NRXN2: variants seen among roughly 807,000 people sequenced by gnomAD.
NRXN2 encodes neurexin-2-beta.
NRXN2 carries 29 observed loss-of-function variants against 128.8 expected under a neutral mutation model. That is an observed-to-expected ratio of 0.23 (90% CI 0.17 to 0.31). The LOEUF (loss-of-function observed/expected upper bound fraction) is 0.31, where lower values mean the gene tolerates loss of function less well. Ranked by LOEUF, NRXN2 falls within the 10% of genes least tolerant of loss-of-function variation. NRXN2 has a pLI of 1.00. For missense variants in NRXN2, 1,881 were observed against 2,452.6 expected, an observed-to-expected ratio of 0.77 and a Z score of 4.92; for synonymous variants, 1,098 against 1,075.2, an observed-to-expected ratio of 1.02 and a Z score of -0.41.
At chr11:64,671,664 G>T (rs1217794307) in intron 7 of NRXN2, among the ~76,000 whole-genome samples, 1 of 152,096 alleles carries the variant, frequency 6.6e-6, no homozygotes, top group East Asian at 1.9e-4. Context: ...AGGTAAGAAG[G>T]CGTGCGGGGC....
In NRXN2 at chr11:64,629,979, GAC is replaced by G. The variant is rs1344695555; in HGVS notation, c.3757+421_3757+422del. Among the ~76,000 whole-genome samples the G allele has an allele frequency of 3.9e-5, 6 of 152,166 alleles. No individual in the cohort carries two copies. In the South Asian group the frequency reaches 1.0e-3, roughly 26 times the overall value. Reference sequence around the variant, plus strand: ...GGTAACAGCCCTGTCTCCTTGCCAAGACACGTTTTATATTACTTCTGGATTTT... The same window carrying G: ...GGTAACAGCCCTGTCTCCTTGCCAAGACGTTTTATATTACTTCTGGATTTT... On this transcript the variant is annotated intron_variant, in intron 19 of 22. Transcript: ENST00000265459.
chr11:64,691,034 CTCT>C, intron 4 of NRXN2, among the ~76,000 whole-genome samples: 1 of 152,332 alleles, frequency 6.6e-6, no homozygotes, highest in Non-Finnish European at 1.5e-5. Flanking sequence ...GTCCTTGAGG[CTCT>C]CACTACACCT....
At chr11:64,675,417 C>A (rs2051171251) in intron 7 of NRXN2, 1 of 152,240 alleles carries the variant, frequency 6.6e-6, no homozygotes, top group Non-Finnish European at 1.5e-5. Flanking sequence ...GGGAGAGACA[C>A]TCAGATTGGG....
intron 2 of NRXN2, among the ~76,000 whole-genome samples, chr11:64,698,132 C>T (rs944178336): frequency 6.6e-6 from 1 of 152,186 alleles, no homozygotes; most frequent in African/African-American, 2.4e-5. Context: ...CCAGGAGTGG[C>T]AGTCAGGCTT....
chr11:64,643,051 G>T, intron 17 of NRXN2: 16 of 996,814 alleles, frequency 1.6e-5, no homozygotes, highest in Non-Finnish European at 1.8e-5. Flanking sequence ...GGAGCTAGGG[G>T]TCTCTCTGCA....
At position 64,712,973 on chromosome 11, in the gene NRXN2, C is replaced by G. The variant is rs1381771358; in HGVS notation, c.727G>C (p.Glu243Gln). 4.7e-6 allele frequency: 7 copies of G among 1,501,510 alleles called. No individual in the cohort carries two copies. In the African/African-American group the frequency reaches 1.0e-4, roughly 22 times the overall value. The allele number at this position is 1,501,510 out of a possible 1,614,324, so 93.0% of individuals were successfully genotyped here. Reference protein sequence around the residue: ...HTGFGGKFCSEEEHPMEGPAH... With the variant: ...HTGFGGKFCSQEEHPMEGPAH... The stretch of plus-strand genomic sequence containing the variant: ...GCGGCCGCTCCCCGGGGCTCACCTT[C>G]GCTGCAGAACTTGCCGCCGAAGCCC... Residue 243 changes from glutamate to glutamine, a missense_variant, in exon 2 of 23, where the codon GAA becomes CAA. By Grantham distance (29) the Glu-to-Gln change is conservative (BLOSUM62 2). This residue lies in a region of NRXN2 where 997 missense variants were observed against 1,240.8 expected (regional missense o/e 0.80). Coordinates refer to ENST00000265459, the MANE Select transcript of NRXN2 (RefSeq NM_015080.4).
At position 64,713,469 on chromosome 11, in the gene NRXN2, G is replaced by A. The variant is rs1474374053; in HGVS notation, c.231C>T (p.Phe77=). The A allele has an allele frequency of 1.3e-6, 2 of 1,533,212 alleles. No individual in the cohort carries two copies. Among genetic ancestry groups the A allele is most frequent in the Non-Finnish European group, 1.7e-6 (2 of 1,149,690 alleles). 95.0% of individuals were successfully genotyped at this position (1,533,212 alleles called of 1,614,324 possible). ...GGCCGTCCACCAGCAGCAGCTCCAG[G>A]AAGTCGCAGTCGCCGCCGTCGTCCA... The part of the protein sequence containing the change: ...LYLDDGGDCD[F]LELLLVDGRL... Residue 77 remains phenylalanine (F), a synonymous_variant, in exon 2 of 23, where the codon TTC becomes TTT. Coordinates refer to ENST00000265459, the MANE Select transcript of NRXN2 (RefSeq NM_015080.4).
chr11:64,673,632 T>C (rs1300062132), intron 7 of NRXN2, among the ~76,000 whole-genome samples: 3 of 152,268 alleles, frequency 2.0e-5, no homozygotes, highest in African/African-American at 4.8e-5. Context: ...ATTTAGCAGA[T>C]ACTTTCCTTT....
At chr11:64,655,813 G>A (rs941095654) in intron 11 of NRXN2, among the ~76,000 whole-genome samples, 2 of 152,188 alleles carry the variant, frequency 1.3e-5, no homozygotes, top group African/African-American at 4.8e-5. Flanking sequence ...GAAAGCCAGA[G>A]ACTGAGAGTG....
intron 3 of NRXN2, 46 bp downstream of exon 3, chr11:64,697,729 C>T: frequency 6.2e-7 from 1 of 1,611,378 alleles, no homozygotes; most frequent in Non-Finnish European, 8.5e-7. Context: ...GTAGGATCCC[C>T]ATGGCAACAG....
chr11:64,608,494 CT>C (rs58638827), intron 22 of NRXN2, among the ~76,000 whole-genome samples: 15,354 of 111,048 alleles, frequency 0.14, 656 homozygotes, highest in East Asian at 0.3. Flanking sequence ...TCTTTTTTTG[CT>C]TTTTTTTTTT....
chr11:64,684,754 A>G (rs2052778730), intron 6 of NRXN2, among the ~76,000 whole-genome samples: 2 of 152,196 alleles, frequency 1.3e-5, no homozygotes, highest in Admixed American at 6.5e-5. Flanking sequence ...AACTAGGAAG[A>G]GACTGGTCAG....
chr11:64,639,960 C>A (rs182123230), intron 17 of NRXN2, among the ~76,000 whole-genome samples: 7 of 152,228 alleles, frequency 4.6e-5, no homozygotes, highest in Admixed American at 4.6e-4. Flanking sequence ...TAATGGTTAA[C>A]GGGAGCAAAG....
In NRXN2 at chr11:64,677,000, T is replaced by C. The variant is rs766032103; in HGVS notation, c.1190A>G (p.His397Arg). ...GIGHAMVNKL[H>R]YLVTISVDGI... ...AATTAGAGTGATATCTACCAGATAA[T>C]GCAGTTTGTTTACCATAGCGTGTCC... is the stretch of plus-strand genomic sequence containing the variant. Residue 397 changes from histidine (H) to arginine (R), a missense_variant, in exon 7 of 23, where the codon CAT becomes CGT. Physicochemically the swap from His to Arg is conservative, Grantham distance 29. Coordinates refer to ENST00000265459, the MANE Select transcript of NRXN2 (RefSeq NM_015080.4). 6.2e-7 allele frequency: 1 copy of C among 1,611,942 alleles called. No homozygotes were observed. Among genetic ancestry groups the C allele is most frequent in the Non-Finnish European group, 8.5e-7 (1 of 1,179,520 alleles).
chr11:64,671,157 C>A (rs1204118818), intron 7 of NRXN2, among the ~76,000 whole-genome samples: 1 of 152,116 alleles, frequency 6.6e-6, no homozygotes. Context: ...GAAAGGGCTG[C>A]CTTAATCACC....
At chr11:64,652,191 A>G (rs1441167876) in intron 12 of NRXN2, 37 bp from the exon 13 acceptor site, 2 of 1,593,538 alleles carry the variant, frequency 1.3e-6, no homozygotes, top group Non-Finnish European at 8.5e-7. Flanking sequence ...GGGCACCTAT[A>G]CATGCTCATA....
rs1565426834 is a variant in NRXN2, at chr11:64,692,900, GAAAGAAAGAAAAAAAGAAGAAGAAA to G, written c.749-49_749-25del. ...ACCTTGGAAAGGGGAAGGAGAGAAA[GAAAGAAAGAAAAAAAGAAGAAGAAA>G]AAAGAAAGAAAAGGGGAAAGAAACA... On this transcript the variant is annotated intron_variant, in intron 3 of 22. Transcript: ENST00000265459. 1.9e-6 allele frequency: 3 copies of G among 1,580,380 alleles called. No homozygotes were observed. In the Admixed American group the frequency reaches 5.1e-5, roughly 27 times the overall value.
chr11:64,676,692 G>A (rs2051367881), intron 7 of NRXN2: 2 of 507,914 alleles, frequency 3.9e-6, no homozygotes, highest in Admixed American at 3.4e-5. Context: ...CATGGGGCCT[G>A]CCCCCAGGTC....
In NRXN2 at chr11:64,632,769, T is replaced by C. The variant is rs1423111460; in HGVS notation, c.3586-2196A>G. ...TTCTGTTAAAGTCATTAATTCCTAA[T>C]TCCCCAATTACCTCATTAGGCGGCG... On this transcript the variant is annotated intron_variant, in intron 18 of 22. Coordinates refer to ENST00000265459, the MANE Select transcript of NRXN2 (RefSeq NM_015080.4). The surrounding 1 kb of genome is among the most constrained non-coding windows in gnomAD (Gnocchi z 4.2). Among the ~76,000 whole-genome samples, 3 of 152,200 alleles carry C rather than the reference T, an allele frequency of 2.0e-5. No individual in the cohort carries two copies. Among genetic ancestry groups the C allele is most frequent in the Non-Finnish European group, 4.4e-5 (3 of 68,026 alleles).
Sources: gnomAD v4.1 joint callset for allele counts (sites outside exome capture counted in the v4.1 genomes callset) on GRCh38, gnomAD v4.1.1 for gene constraint, gnomAD v4.1.1 regional missense constraint, Gnocchi (gnomAD v3.1) non-coding constraint, MANE v1.5 for transcripts, NCBI Gene and HGNC (gene_info 2026-07-23, HGNC 2026-07-21) for gene names.